The following GSE1 variants were observed in gnomAD, a reference collection of about 807,000 sequenced individuals.
GSE1 encodes Gse1 coiled-coil protein.
GSE1 carries 32 observed loss-of-function variants against 112.6 expected under a neutral mutation model. The observed-to-expected ratio is 0.28, with a 90% CI of 0.21 to 0.38. The LOEUF is 0.38. GSE1 is among the 10% of genes least tolerant of loss of function. The pLI is 1.00. For missense variants in GSE1, 2,348 were observed against 1,699.2 expected (o/e 1.38, Z -6.71); for synonymous variants, 1,115 against 735.6 (o/e 1.52, Z -8.35).
rs2051880184 is a variant in GSE1, at chr16:85,655,865, T to G, written c.937T>G (p.Ser313Ala). Reference protein sequence around the residue: ...GVRYPPELSHSSLAALHSERM... With the variant: ...GVRYPPELSHASLAALHSERM... ...CCGCTACCCTCCCGAGCTCTCCCAC[T>G]CATCCCTGGCAGCGCTGCACTCGGA... The change falls in exon 6 of 16, where the codon TCA becomes GCA. Residue 313 changes from serine (S) to alanine (A), a missense_variant. Transcript: ENST00000253458. 4.4e-6 allele frequency: 7 copies of G among 1,608,354 alleles called. No homozygotes were observed. The highest frequency in any genetic ancestry group is 2.7e-5 in the African/African-American group (2 of 74,794).
At position 85,181,740 on chromosome 16, in the gene GSE1, G is replaced by GA. The variant is rs200102869; in HGVS notation, c.2283+9934dup. 8.5e-3 allele frequency among the ~76,000 whole-genome samples: 1,293 copies of GA among 152,302 alleles called. 20 individuals are homozygous for GA. The highest frequency in any genetic ancestry group is 0.029 in the African/African-American group (1,218 of 41,554). On this transcript the variant is annotated intron_variant, in intron 1 of 2. Transcript: ENST00000637419. ...GTGGCGTGGGGCCTCCACACTTCCA[G>GA]ACACGACAGGACTGGCCATGGGGCT...
chr16:85,403,966 G>A (rs1403374474), intron 2 of GSE1, among the ~76,000 whole-genome samples: 4 of 152,108 alleles, frequency 2.6e-5, no homozygotes, highest in East Asian at 1.9e-4. Context: ...GCTTGTGGCC[G>A]CTCACTGCAG....
At chr16:85,584,721 A>G (rs1392488336) in intron 1 of GSE1, among the ~76,000 whole-genome samples, 1 of 152,238 alleles carries the variant, frequency 6.6e-6, no homozygotes, top group Non-Finnish European at 1.5e-5. Flanking sequence ...ATTGGGCTGA[A>G]CGATAAAATT....
At chr16:85,191,697 C>T (rs1417638654) in intron 1 of GSE1, among the ~76,000 whole-genome samples, 3 of 152,302 alleles carry the variant, frequency 2.0e-5, no homozygotes, top group Non-Finnish European at 2.9e-5. Flanking sequence ...ACATAGTCCT[C>T]GTGCCTGTGA....
intron 1 of GSE1, among the ~76,000 whole-genome samples, chr16:85,211,620 C>T (rs951336388): frequency 2.6e-5 from 4 of 152,158 alleles, no homozygotes; most frequent in East Asian, 1.9e-4. Context: ...TGACTTGTGG[C>T]GGGAACCACT....
intron 13 of GSE1, 66 bp from the exon 14 acceptor site, chr16:85,668,074 C>A (rs2053023968): frequency 8.1e-7 from 1 of 1,238,246 alleles, no homozygotes. Flanking sequence ...AGCAGAGCTC[C>A]CTTCTGAGAC....
intron 2 of GSE1, among the ~76,000 whole-genome samples, chr16:85,465,489 G>A (rs1241217808): frequency 6.6e-6 from 1 of 152,258 alleles, no homozygotes; most frequent in South Asian, 2.1e-4. Flanking sequence ...GGACTGCCCT[G>A]CTAGGGGTAA....
chr16:85,662,420 G>A (rs1311971998), intron 9 of GSE1: 1 of 153,466 alleles, frequency 6.5e-6, no homozygotes, highest in Non-Finnish European at 1.4e-5. Context: ...CTCTTCAATA[G>A]AAGCTGGGGC....
intron 1 of GSE1, among the ~76,000 whole-genome samples, chr16:85,266,894 C>T (rs1597235256): frequency 6.6e-6 from 1 of 152,180 alleles, no homozygotes; most frequent in Non-Finnish European, 1.5e-5. Flanking sequence ...GTCCTGTGCT[C>T]CTGCCCTCTC....
intron 2 of GSE1, among the ~76,000 whole-genome samples, chr16:85,446,115 C>T (rs2049504907): frequency 6.6e-6 from 1 of 152,178 alleles, no homozygotes; most frequent in Non-Finnish European, 1.5e-5. Flanking sequence ...ATGATTGCTT[C>T]CAGAGAGCCC....
chr16:85,378,096 G>T (rs141195810), intron 2 of GSE1, among the ~76,000 whole-genome samples: 3,169 of 152,158 alleles, frequency 0.021, 104 homozygotes, highest in African/African-American at 0.073. Flanking sequence ...CCCATCCCCC[G>T]CCACCACCCG....
intron 1 of GSE1, among the ~76,000 whole-genome samples, chr16:85,203,394 CAGT>C: frequency 6.6e-6 from 1 of 152,308 alleles, no homozygotes; most frequent in Non-Finnish European, 1.5e-5. Flanking sequence ...ACCCTGGCAA[CAGT>C]GGTGAGCGGG....
Position 85,676,094 on chromosome 16 carries a change from G to GAATT in GSE1, c.*3560_*3563dup, listed in dbSNP as rs987246924. 5.2e-5 allele frequency: 8 copies of GAATT among 152,764 alleles called. No homozygotes were observed. The highest frequency in any genetic ancestry group is 1.9e-4 in the African/African-American group (8 of 41,572). 9.5% of individuals were successfully genotyped at this position (152,764 alleles called of 1,614,324 possible). A position where few individuals can be genotyped will look rare whatever the true frequency, so the allele number is the denominator to read the frequency against. ...AAACCTGTTCTAAGTGTACTTGTTT[G>GAATT]AATTAATTGTATTGTAATATTATTT... On this transcript the variant is annotated 3_prime_UTR_variant, in exon 16 of 16. Coordinates refer to ENST00000253458, the MANE Select transcript of GSE1 (RefSeq NM_014615.5).
intron 1 of GSE1, among the ~76,000 whole-genome samples, chr16:85,246,839 G>A (rs1479508113): frequency 6.6e-6 from 1 of 152,092 alleles, no homozygotes; most frequent in South Asian, 2.1e-4. Context: ...GGGTGCTCAG[G>A]AAATCAGCCC....
chr16:85,556,015 C>T, exon 1 of GSE1: 1 of 985,046 alleles, frequency 1.0e-6, no homozygotes, highest in Non-Finnish European at 1.2e-6. Flanking sequence ...CGAAGACACC[C>T]GGGCAGCCGT....
chr16:85,331,683 GTGTA>G (rs1363855723), intron 1 of GSE1, among the ~76,000 whole-genome samples: 730 of 46,186 alleles, frequency 0.016, 40 homozygotes, highest in Middle Eastern at 0.031. Context: ...GTGTGTGTGT[GTGTA>G]TATATATATA....
intron 1 of GSE1, among the ~76,000 whole-genome samples, chr16:85,331,365 G>GTGTATATATATGTA (rs1555563679): frequency 9.9e-6 from 1 of 101,132 alleles, no homozygotes; most frequent in African/African-American, 3.4e-5. Flanking sequence ...GTGTGTGTGT[G>GTGTATATATATGTA]TATATATGTA....
intron 1 of GSE1, among the ~76,000 whole-genome samples, chr16:85,560,296 C>T (rs1437291874): frequency 6.6e-6 from 1 of 151,960 alleles, no homozygotes. Context: ...CCACCACGCC[C>T]AAGTAATTTT....
intron 1 of GSE1, among the ~76,000 whole-genome samples, chr16:85,591,730 T>C (rs1417445736): frequency 2.0e-5 from 3 of 152,256 alleles, no homozygotes; most frequent in Non-Finnish European, 2.9e-5. Flanking sequence ...TTGTTCTTTG[T>C]AGAAGAGGCG....
Sources: allele counts gnomAD v4.1 joint callset (sites outside exome capture counted in the v4.1 genomes callset), GRCh38; gene constraint gnomAD v4.1.1; transcripts MANE v1.5; gene names NCBI Gene and HGNC (gene_info 2026-07-23, HGNC 2026-07-21).